Variants in ABCC10 observed in about 807,000 individuals in gnomAD.
ABCC10 encodes ATP-binding cassette sub-family C member 10.
ABCC10 carries 110 observed loss-of-function variants against 143.2 expected under a neutral mutation model. That is an observed-to-expected ratio of 0.77 (90% CI 0.66 to 0.90). The LOEUF (loss-of-function observed/expected upper bound fraction) is 0.90. Among genes scored for constraint, ABCC10 ranks in the 40% least tolerant of loss-of-function variants. The probability of loss-of-function intolerance (pLI) is 0.00; values close to 1 mark genes in which losing one functional copy is unlikely to be tolerated. For missense variants in ABCC10, 1,700 were observed against 1,900.5 expected (o/e 0.89, Z 1.96); for synonymous variants, 805 against 846.7 (o/e 0.95, Z 0.85).
intron 18 of ABCC10, among the ~76,000 whole-genome samples, chr6:43,448,271 G>C (rs905429498): frequency 5.9e-5 from 9 of 152,314 alleles, no homozygotes; most frequent in Admixed American, 3.9e-4. Flanking sequence ...CAGACAGCTT[G>C]AGACCTGAAC....
At chr6:43,436,769 C>G (rs957035613) in intron 6 of ABCC10, among the ~76,000 whole-genome samples, 3 of 152,236 alleles carry the variant, frequency 2.0e-5, no homozygotes, top group Admixed American at 2.0e-4. Context: ...CTCTCCTGAC[C>G]TTTGTCCAAC....
chr6:43,444,792 G>A lies in ABCC10; in HGVS notation c.2694G>A (p.Thr898=), dbSNP rs773902969. The A allele has an allele frequency of 1.9e-4, 303 of 1,594,054 alleles. 1 individual carries two copies. The highest frequency in any genetic ancestry group is 6.7e-5 in the East Asian group (3 of 44,696). The change falls in exon 13 of 22, where the codon ACG becomes ACA. Residue 898 remains threonine, a synonymous_variant. Transcript: ENST00000372530. The part of the protein sequence containing the change: ...ILFSLLLMQA[T]RNAADWWLSH... ...TTCCTTCCTGTCCCCACCCAGCCAC[G>A]CGGAACGCTGCTGACTGGTGGCTCT...
intron 2 of ABCC10, among the ~76,000 whole-genome samples, chr6:43,429,372 T>TGGTGTG (rs1554200963): frequency 1.0e-5 from 1 of 98,186 alleles, no homozygotes; most frequent in Admixed American, 1.2e-4. Context: ...CTTTTCTTTC[T>TGGTGTG]TGTGTGTGTG....
intron 7 of ABCC10, 100 bp downstream of exon 7, chr6:43,438,113 G>A: frequency 1.5e-6 from 2 of 1,298,622 alleles, no homozygotes; most frequent in East Asian, 2.5e-5. Flanking sequence ...GGGGTACTAA[G>A]AAGAGCAACG....
At position 43,432,683 on chromosome 6, in the gene ABCC10, C is replaced by T. The variant is rs1249225805; in HGVS notation, c.703C>T (p.Arg235Cys). Residue 235 changes from arginine to cysteine, a missense_variant, in exon 3 of 22, where the codon CGT becomes TGT. Coordinates refer to ENST00000372530, the MANE Select transcript of ABCC10 (RefSeq NM_001198934.2). The part of the protein sequence containing the change: ...SYAWLAPLLA[R>C]GACGELRQPQ... Reference sequence around the variant, plus strand: ...TGCCTGGCTGGCACCCTTGCTGGCCCGTGGGGCCTGTGGAGAGCTCCGGCA... The same window carrying T: ...TGCCTGGCTGGCACCCTTGCTGGCCTGTGGGGCCTGTGGAGAGCTCCGGCA... 8 of 1,613,900 alleles carry T rather than the reference C, an allele frequency of 5.0e-6. No individual in the cohort carries two copies. The highest frequency in any genetic ancestry group is 1.7e-5 in the Admixed American group (1 of 60,008).
chr6:43,434,428 G>A, intron 3 of ABCC10, 193 bp from the exon 4 acceptor site: 1 of 570,666 alleles, frequency 1.8e-6, no homozygotes, highest in South Asian at 2.4e-5. Context: ...AGCAACCCAG[G>A]GCTGAAAAGG....
chr6:43,433,448 G>T, intron 3 of ABCC10, 88 bp downstream of exon 3: 1 of 1,458,320 alleles, frequency 6.9e-7, no homozygotes, highest in Non-Finnish European at 9.0e-7. Context: ...ACCTGAGGGA[G>T]TGAGAGTGAC....
rs567389927 is a variant in ABCC10 at position 43,437,461 on chromosome 6, A to G, written c.1876-473A>G. Among the ~76,000 whole-genome samples the G allele has an allele frequency of 1.1e-4, 16 of 149,552 alleles. No individual in the cohort carries two copies. In the East Asian group the frequency reaches 2.3e-3, roughly 22 times the overall value. On this transcript the variant is annotated intron_variant, in intron 6 of 21. Transcript: ENST00000372530. Reference sequence around the variant, plus strand: ...AAAAAAAAAAAAAAAAAAAAAAGGTAAACAGAAAAATTTAAGCCACAGAAA... The same window carrying G: ...AAAAAAAAAAAAAAAAAAAAAAGGTGAACAGAAAAATTTAAGCCACAGAAA...
Position 43,435,800 on chromosome 6 carries a change from A to G in ABCC10, c.1658A>G (p.Asn553Ser), listed in dbSNP as rs753073524. The part of the protein sequence containing the change: ...LVRMLILPLN[N>S]FPWVINGLLE... ...CGAATGCTCATTCTTCCTCTCAACAACTTCCCTTGGGTGATCAATGGTCTC... is the reference window on the plus strand; with the variant it reads ...CGAATGCTCATTCTTCCTCTCAACAGCTTCCCTTGGGTGATCAATGGTCTC... Residue 553 changes from asparagine to serine, a missense_variant, in exon 5 of 22, where the codon AAC (asparagine) becomes AGC (serine). Coordinates refer to ENST00000372530, the MANE Select transcript of ABCC10 (RefSeq NM_001198934.2). 1 of 1,613,962 alleles carries G rather than the reference A, an allele frequency of 6.2e-7. No homozygotes were observed. The highest frequency in any genetic ancestry group is 8.5e-7 in the Non-Finnish European group (1 of 1,179,990).
chr6:43,444,403 G>C (rs1782804179), intron 12 of ABCC10, 50 bp downstream of exon 12: 1 of 1,539,884 alleles, frequency 6.5e-7, no homozygotes, highest in Non-Finnish European at 8.7e-7. Flanking sequence ...GTGCTGTCTA[G>C]GTGCCCATTA....
Position 43,427,671 on chromosome 6 carries a change from C to A in ABCC10, c.-98C>A. ...TTGCATACACCAGTTCTCAGGATAT[C>A]GGAATCCGGTGCACAGCAGCTTCTT... On this transcript the variant is annotated 5_prime_UTR_variant, in exon 1 of 22. Coordinates refer to ENST00000372530, the MANE Select transcript of ABCC10 (RefSeq NM_001198934.2). 2.1e-6 allele frequency: 1 copy of A among 487,156 alleles called. No homozygotes were observed. Among genetic ancestry groups the A allele is most frequent in the Non-Finnish European group, 3.8e-6 (1 of 265,032 alleles). 30.2% of individuals were successfully genotyped at this position (487,156 alleles called of 1,614,324 possible). A position where few individuals can be genotyped will look rare whatever the true frequency, so the allele number is the denominator to read the frequency against.
chr6:43,435,682 A>G (rs1460268748), intron 4 of ABCC10, 69 bp from the exon 5 acceptor site: 18 of 1,560,056 alleles, frequency 1.2e-5, no homozygotes, highest in African/African-American at 1.4e-5. Context: ...AGACCTGTCC[A>G]CAGGGCTTCC....
rs563188429 is a variant in ABCC10, at chr6:43,444,795, G to C, written c.2697G>C (p.Arg899=). 4.4e-6 allele frequency: 7 copies of C among 1,598,078 alleles called. No individual in the cohort carries two copies. In the Admixed American group the frequency reaches 1.1e-4, roughly 24 times the overall value. ...CTTCCTGTCCCCACCCAGCCACGCG[G>C]AACGCTGCTGACTGGTGGCTCTCCC... ...LFSLLLMQAT[R]NAADWWLSHW... The change falls in exon 13 of 22, where the codon CGG becomes CGC. Residue 899 remains arginine (R), a synonymous_variant. Coordinates refer to ENST00000372530, the MANE Select transcript of ABCC10 (RefSeq NM_001198934.2).
At chr6:43,441,760 C>A in intron 8 of ABCC10, 102 bp from the exon 9 acceptor site, 1 of 892,020 alleles carries the variant, frequency 1.1e-6, no homozygotes. Flanking sequence ...TCTCCTCAAG[C>A]TCCCTACTTC....
downstream of ABCC10, chr6:43,450,884 A>G: frequency 6.2e-7 from 1 of 1,614,174 alleles, no homozygotes; most frequent in Non-Finnish European, 8.5e-7. The surrounding 1 kb of genome is among the most constrained non-coding windows in gnomAD (Gnocchi z 4.5). Context: ...GTACCACTAC[A>G]GCTGAGGTGG....
chr6:43,450,836 A>T, downstream of ABCC10: 1 of 1,614,140 alleles, frequency 6.2e-7, no homozygotes, highest in Non-Finnish European at 8.5e-7. This position sits in a 1 kb window ranked among gnomAD's most constrained non-coding sequence, Gnocchi z 4.5. Flanking sequence ...TCCGCAGCAG[A>T]CCAGCCCCTG....
At chr6:43,442,271 C>G (rs1488684208) in intron 9 of ABCC10, among the ~76,000 whole-genome samples, 2 of 151,982 alleles carry the variant, frequency 1.3e-5, no homozygotes, top group African/African-American at 2.4e-5. Context: ...GTGGCAAAAC[C>G]CTGTCTCTAC....
chr6:43,450,789 C>T (rs764625445), downstream of ABCC10: 1 of 1,614,226 alleles, frequency 6.2e-7, no homozygotes, highest in Non-Finnish European at 8.5e-7. This position sits in a 1 kb window ranked among gnomAD's most constrained non-coding sequence, Gnocchi z 4.5. Context: ...CTCACCTAGC[C>T]CAGCCTCTTG....
chr6:43,447,320 C>T lies in ABCC10; in HGVS notation c.3617C>T (p.Thr1206Ile), dbSNP rs1562202899. 6.2e-7 allele frequency: 1 copy of T among 1,613,702 alleles called. No homozygotes were observed. The highest frequency in any genetic ancestry group is 2.2e-5 in the East Asian group (1 of 44,872). Reference protein sequence around the residue: ...GLLSGLVSSFTQTEAMLVSVE... With the variant: ...GLLSGLVSSFIQTEAMLVSVE... ...CTCTCGGGCCTGGTGAGCAGCTTCA[C>T]ACAGACAGAGGCCATGCTGGTGAGC... The change falls in exon 17 of 22, where the codon ACA (threonine) becomes ATA (isoleucine). Residue 1206 changes from threonine (T) to isoleucine (I), a missense_variant. Physicochemically the swap from Thr to Ile is moderately conservative, Grantham distance 89. Coordinates refer to ENST00000372530, the MANE Select transcript of ABCC10 (RefSeq NM_001198934.2).
Sources: gnomAD v4.1 joint callset for allele counts (sites outside exome capture counted in the v4.1 genomes callset) on GRCh38, gnomAD v4.1.1 for gene constraint, Gnocchi (gnomAD v3.1) non-coding constraint, MANE v1.5 for transcripts, NCBI Gene and HGNC (gene_info 2026-07-23, HGNC 2026-07-21) for gene names.